PRDM6: variants seen among roughly 807,000 people sequenced by gnomAD.
PRDM6 encodes the protein putative histone-lysine N-methyltransferase PRDM6.
A neutral mutation model predicts 60.8 loss-of-function variants in PRDM6; 25 were observed. The observed-to-expected ratio is 0.41, with a 90% CI of 0.30 to 0.57. PRDM6 has a LOEUF of 0.57. Ranked by LOEUF, PRDM6 falls within the 20% of genes least tolerant of loss-of-function variation. The pLI is 0.27. For synonymous variants in PRDM6, 407 were observed against 357.4 expected (o/e 1.14, Z -1.57); for missense variants, 839 against 821.3 (o/e 1.02, Z -0.26).
At chr5:123,136,925 AC>A (rs1401128439) in intron 3 of PRDM6, among the ~76,000 whole-genome samples, 1 of 152,188 alleles carries the variant, frequency 6.6e-6, no homozygotes, top group Non-Finnish European at 1.5e-5. Flanking sequence ...GGTGGCAACA[AC>A]CCACACTCTG....
chr5:123,181,798 C>T (rs1422862152), intron 7 of PRDM6, among the ~76,000 whole-genome samples: 1 of 152,104 alleles, frequency 6.6e-6, no homozygotes, highest in Non-Finnish European at 1.5e-5. Flanking sequence ...TTGTGCTCAG[C>T]CTGAGGCCAG....
chr5:123,105,481 A>T (rs185675762), intron 3 of PRDM6, among the ~76,000 whole-genome samples: 1 of 152,222 alleles, frequency 6.6e-6, no homozygotes, highest in Admixed American at 6.5e-5. Context: ...TTACCCAGAA[A>T]TCACTTACAG....
intron 5 of PRDM6, 53 bp from the exon 6 acceptor site, chr5:123,170,713 C>A: frequency 8.1e-7 from 1 of 1,239,980 alleles, no homozygotes; most frequent in Non-Finnish European, 1.1e-6. Flanking sequence ...TGTTATTGTG[C>A]TTATTTTAAA....
rs181222718 is a variant in PRDM6 at position 123,193,227 on chromosome 5, C to T, written c.*6026C>T. On this transcript the variant is annotated 3_prime_UTR_variant, in exon 8 of 8. Transcript: ENST00000407847. Reference sequence around the variant, plus strand: ...CCTGTTTCCTGCCTTGAAAAACATCCTTGTTGGTGCCTTTCTCCCACTTTG... The same window carrying T: ...CCTGTTTCCTGCCTTGAAAAACATCTTTGTTGGTGCCTTTCTCCCACTTTG... 1 of 152,314 alleles carries T rather than the reference C, an allele frequency of 6.6e-6. No homozygotes were observed. The highest frequency in any genetic ancestry group is 1.5e-5 in the Non-Finnish European group (1 of 68,030). The allele number at this position is 152,314 out of a possible 1,614,324, so 9.4% of individuals were successfully genotyped here. A position where few individuals can be genotyped will look rare whatever the true frequency, so the allele number is the denominator to read the frequency against.
chr5:123,122,763 G>A (rs1210221462), intron 3 of PRDM6, among the ~76,000 whole-genome samples: 2 of 151,886 alleles, frequency 1.3e-5, no homozygotes, highest in Non-Finnish European at 2.9e-5. Context: ...TTTAATTCTA[G>A]TTTTTTTCTT....
At chr5:123,186,167 G>T (rs932125933) in intron 7 of PRDM6, among the ~76,000 whole-genome samples, 2 of 152,162 alleles carry the variant, frequency 1.3e-5, no homozygotes, top group African/African-American at 4.8e-5. Flanking sequence ...TCATCTGTGG[G>T]TGTGTGTATT....
At chr5:123,144,137 G>A (rs1765183221) in intron 3 of PRDM6, among the ~76,000 whole-genome samples, 1 of 152,172 alleles carries the variant, frequency 6.6e-6, no homozygotes, top group African/African-American at 2.4e-5. Context: ...AGGAGCTGGG[G>A]TTGCCCGTGT....
chr5:123,153,889 C>G (rs777140353), intron 3 of PRDM6, among the ~76,000 whole-genome samples: 6 of 152,076 alleles, frequency 3.9e-5, no homozygotes, highest in Non-Finnish European at 8.8e-5. Context: ...GTTGTGTGCA[C>G]TTCTCAAAAT....
rs778042956 is a variant in PRDM6, at chr5:123,187,339, T to C, written c.*138T>C. The C allele has an allele frequency of 5.1e-6, 3 of 589,712 alleles. No homozygotes were observed. Among genetic ancestry groups the C allele is most frequent in the Non-Finnish European group, 9.3e-6 (3 of 323,046 alleles). The allele number at this position is 589,712 out of a possible 1,614,324, so 36.5% of individuals were successfully genotyped here. A position where few individuals can be genotyped will look rare whatever the true frequency, so the allele number is the denominator to read the frequency against. Reference sequence around the variant, plus strand: ...AAAAGCAGTAATAAAATAAGTAAGATGTTAAGAGATATTGATCCTGGCATG... The same window carrying C: ...AAAAGCAGTAATAAAATAAGTAAGACGTTAAGAGATATTGATCCTGGCATG... On this transcript the variant is annotated 3_prime_UTR_variant, in exon 8 of 8. Transcript: ENST00000407847.
chr5:123,169,583 G>A (rs1326335226), intron 5 of PRDM6, among the ~76,000 whole-genome samples: 1 of 152,180 alleles, frequency 6.6e-6, no homozygotes, highest in South Asian at 2.1e-4. Flanking sequence ...CATCTATTTA[G>A]TGTCAACCAT....
intron 3 of PRDM6, among the ~76,000 whole-genome samples, chr5:123,154,873 T>C (rs1360844399): frequency 6.6e-6 from 1 of 152,184 alleles, no homozygotes; most frequent in African/African-American, 2.4e-5. Flanking sequence ...CCTTAGGAAA[T>C]TCTTTAACTG....
chr5:123,126,701 T>A (rs1764701953), intron 3 of PRDM6, among the ~76,000 whole-genome samples: 1 of 152,176 alleles, frequency 6.6e-6, no homozygotes, highest in African/African-American at 2.4e-5. Flanking sequence ...TTTCTTAGAA[T>A]GTAGGAAATA....
At chr5:123,117,649 A>G (rs1460331761) in intron 3 of PRDM6, among the ~76,000 whole-genome samples, 2 of 152,236 alleles carry the variant, frequency 1.3e-5, no homozygotes, top group African/African-American at 2.4e-5. Flanking sequence ...TTTTCCTCAG[A>G]TTCGTCCTGC....
chr5:123,109,116 G>C (rs1194752859), intron 3 of PRDM6, among the ~76,000 whole-genome samples: 2 of 151,976 alleles, frequency 1.3e-5, no homozygotes, highest in Non-Finnish European at 2.9e-5. Flanking sequence ...AGCGTTTCTG[G>C]GGTCTATGAG....
intron 3 of PRDM6, among the ~76,000 whole-genome samples, chr5:123,152,621 C>A (rs1765394773): frequency 6.6e-6 from 1 of 152,150 alleles, no homozygotes; most frequent in Admixed American, 6.5e-5. Context: ...TGGCTTACAC[C>A]ATTTCTATGA....
intron 3 of PRDM6, among the ~76,000 whole-genome samples, chr5:123,122,709 A>G (rs1764607808): frequency 6.6e-6 from 1 of 152,188 alleles, no homozygotes; most frequent in Non-Finnish European, 1.5e-5. Context: ...AAAATTACCT[A>G]TAATGTCTCT....
At position 123,155,979 on chromosome 5, in the gene PRDM6, C is replaced by T. The variant is rs758132131; in HGVS notation, c.996C>T (p.Cys332=). 6.4e-6 allele frequency: 10 copies of T among 1,551,474 alleles called. No individual in the cohort carries two copies. The highest frequency in any genetic ancestry group is 1.2e-5 in the South Asian group (1 of 84,046). The change falls in exon 4 of 8, where the codon TGC becomes TGT. Residue 332 remains cysteine, a synonymous_variant. Coordinates refer to ENST00000407847, the MANE Select transcript of PRDM6 (RefSeq NM_001136239.4). ...GGTATATCCGATGTGCAAGGCACTG[C>T]GGAGAACAGAATCTAACAGTAGTTC... ...WMRYIRCARH[C]GEQNLTVVQY...
intron 3 of PRDM6, among the ~76,000 whole-genome samples, chr5:123,147,008 G>T (rs932522792): frequency 6.6e-6 from 1 of 152,102 alleles, no homozygotes; most frequent in Non-Finnish European, 1.5e-5. Context: ...GCTTTCATGA[G>T]AGTTTTCTTT....
Position 123,090,191 on chromosome 5 carries a change from G to C in PRDM6, c.177G>C (p.Pro59=). The C allele has an allele frequency of 6.7e-7, 1 of 1,487,412 alleles. No homozygotes were observed. Among genetic ancestry groups the C allele is most frequent in the East Asian group, 2.9e-5 (1 of 33,916 alleles). 92.1% of individuals were successfully genotyped at this position (1,487,412 alleles called of 1,614,324 possible). A position where few individuals can be genotyped will look rare whatever the true frequency, so the allele number is the denominator to read the frequency against. ...PLQPPPPPPP[P]ERAEPPPDSL... Reference sequence around the variant, plus strand: ...AGCCGCCGCCGCCGCCCCCGCCCCCGGAGCGCGCTGAGCCTCCGCCGGACA... The same window carrying C: ...AGCCGCCGCCGCCGCCCCCGCCCCCCGAGCGCGCTGAGCCTCCGCCGGACA... The change falls in exon 2 of 8, where the codon CCG becomes CCC. Residue 59 remains proline (P), a synonymous_variant. Transcript: ENST00000407847.
Sources: gnomAD v4.1 joint callset for allele counts (sites outside exome capture counted in the v4.1 genomes callset) on GRCh38, gnomAD v4.1.1 for gene constraint, MANE v1.5 for transcripts, NCBI Gene and HGNC (gene_info 2026-07-23, HGNC 2026-07-21) for gene names.